PLD5: variants seen among roughly 807,000 people sequenced by gnomAD.
The protein encoded by PLD5 is phospholipase D family member 5.
In PLD5, 36 loss-of-function variants were observed where a neutral mutation model predicts 61.1. The ratio of observed to expected loss-of-function variants is 0.59; its 90% confidence interval spans 0.45 to 0.78. The LOEUF (loss-of-function observed/expected upper bound fraction) is 0.78, where lower values mean the gene tolerates loss of function less well. Ranked by LOEUF, PLD5 falls within the 30% of genes least tolerant of loss-of-function variation. The probability of loss-of-function intolerance (pLI) is 0.00; values close to 1 mark genes in which losing one functional copy is unlikely to be tolerated. For missense variants in PLD5, 515 were observed against 644.4 expected (o/e 0.80, Z 2.17); for synonymous variants, 243 against 242.8 (o/e 1.00, Z -0.01).
At chr1:242,131,852 T>TG (rs397983549) in intron 5 of PLD5, among the ~76,000 whole-genome samples, 3 of 149,118 alleles carry the variant, frequency 2.0e-5, no homozygotes, top group Non-Finnish European at 4.5e-5. Flanking sequence ...TTTTTTTTTT[T>TG]GAGATGGAGT....
At chr1:242,301,765 C>CATTATTATTATTATTATTATTATTATT (rs543604489) in intron 2 of PLD5, among the ~76,000 whole-genome samples, 11 of 141,034 alleles carry the variant, frequency 7.8e-5, no homozygotes, top group Admixed American at 5.7e-4. Context: ...TTTTTTAAAA[C>CATTATTATTATTATTATTATTATTATT]ATTATTATTA....
chr1:242,485,114 G>T (rs1356774851), intron 1 of PLD5, among the ~76,000 whole-genome samples: 1 of 152,088 alleles, frequency 6.6e-6, no homozygotes, highest in Non-Finnish European at 1.5e-5. Context: ...TACTGAATGG[G>T]CAAAAACTGG....
chr1:242,333,838 T>A (rs537267929), intron 2 of PLD5, among the ~76,000 whole-genome samples: 1 of 152,312 alleles, frequency 6.6e-6, no homozygotes, highest in South Asian at 2.1e-4. Context: ...ATTCTTTTTA[T>A]GGCTGAATAA....
chr1:242,319,706 A>T (rs1440261885), intron 2 of PLD5, among the ~76,000 whole-genome samples: 1 of 152,220 alleles, frequency 6.6e-6, no homozygotes, highest in African/African-American at 2.4e-5. Flanking sequence ...AAAGGACAGA[A>T]CTGAAAAGTC....
chr1:242,177,178 T>C (rs948703215), intron 5 of PLD5, among the ~76,000 whole-genome samples: 1 of 152,152 alleles, frequency 6.6e-6, no homozygotes, highest in Non-Finnish European at 1.5e-5. Flanking sequence ...CCATCAGTGA[T>C]TGATAGACTG....
chr1:242,098,268 C>G (rs928641873), intron 9 of PLD5, among the ~76,000 whole-genome samples: 3 of 152,104 alleles, frequency 2.0e-5, no homozygotes, highest in Non-Finnish European at 4.4e-5. Flanking sequence ...TCTTTTTATT[C>G]TTTTTTCTCT....
At chr1:242,470,662 C>G (rs903740300) in intron 1 of PLD5, among the ~76,000 whole-genome samples, 1 of 152,200 alleles carries the variant, frequency 6.6e-6, no homozygotes, top group African/African-American at 2.4e-5. Flanking sequence ...AATATCAATA[C>G]TCGTGGTGAT....
intron 1 of PLD5, among the ~76,000 whole-genome samples, chr1:242,523,658 C>A (rs1669351232): frequency 1.3e-5 from 2 of 152,194 alleles, no homozygotes; most frequent in African/African-American, 4.8e-5. Flanking sequence ...TTTACTCATT[C>A]GTTAATTTGC....
chr1:242,227,456 A>C (rs1264984893), intron 4 of PLD5, among the ~76,000 whole-genome samples: 1 of 152,042 alleles, frequency 6.6e-6, no homozygotes, highest in Non-Finnish European at 1.5e-5. Context: ...CCTCTGCCTC[A>C]TGAGTTCAAG....
At chr1:242,102,838 TGTTTA>T (rs1407504405) in intron 8 of PLD5, among the ~76,000 whole-genome samples, 4 of 152,296 alleles carry the variant, frequency 2.6e-5, no homozygotes, top group African/African-American at 9.6e-5. Flanking sequence ...GAACTACTAA[TGTTTA>T]GTTTATTAAA....
intron 6 of PLD5, 54 bp from the exon 7 acceptor site, chr1:242,114,080 A>G: frequency 6.3e-7 from 1 of 1,580,570 alleles, no homozygotes; most frequent in Non-Finnish European, 8.6e-7. Context: ...GCAGCTGGGG[A>G]TTTATTTATT....
intron 5 of PLD5, among the ~76,000 whole-genome samples, chr1:242,168,311 T>G (rs1363397083): frequency 6.6e-6 from 1 of 152,338 alleles, no homozygotes; most frequent in Admixed American, 6.5e-5. Flanking sequence ...GTCTGGTAAC[T>G]GTCAGCATAT....
chr1:242,478,400 A>C (rs1448151049), intron 1 of PLD5, among the ~76,000 whole-genome samples: 1 of 152,188 alleles, frequency 6.6e-6, no homozygotes, highest in Non-Finnish European at 1.5e-5. Flanking sequence ...CCAGAGGAGC[A>C]GGTAGAAAAG....
chr1:242,466,272 G>T (rs978356833), intron 1 of PLD5, among the ~76,000 whole-genome samples: 1 of 152,050 alleles, frequency 6.6e-6, no homozygotes, highest in Non-Finnish European at 1.5e-5. Context: ...ATGTATCCTA[G>T]GTGTGTAGCG....
chr1:242,161,448 T>C (rs187958617), intron 5 of PLD5, among the ~76,000 whole-genome samples: 4 of 137,356 alleles, frequency 2.9e-5, no homozygotes, highest in Admixed American at 2.3e-4. Context: ...TATATAGAAG[T>C]ATATGTACCT....
intron 2 of PLD5, among the ~76,000 whole-genome samples, chr1:242,318,899 G>A (rs1574723489): frequency 6.6e-6 from 1 of 152,154 alleles, no homozygotes; most frequent in African/African-American, 2.4e-5. Context: ...TTAGCACAGA[G>A]GTAGGAGAGG....
chr1:242,218,501 G>A (rs1286217726), intron 5 of PLD5, among the ~76,000 whole-genome samples: 1 of 152,180 alleles, frequency 6.6e-6, no homozygotes, highest in Non-Finnish European at 1.5e-5. Context: ...TAGTGAGTTT[G>A]CAGAGCTCAA....
At chr1:242,304,570 C>T (rs972005522) in intron 2 of PLD5, among the ~76,000 whole-genome samples, 11 of 152,118 alleles carry the variant, frequency 7.2e-5, no homozygotes, top group South Asian at 2.1e-4. Flanking sequence ...AAAAGTAGCA[C>T]GTAAGCCTAT....
At chr1:242,229,574 T>C (rs941786479) in intron 4 of PLD5, among the ~76,000 whole-genome samples, 9 of 152,238 alleles carry the variant, frequency 5.9e-5, no homozygotes, top group African/African-American at 2.2e-4. Flanking sequence ...GTGGCATATA[T>C]ATTCATTTAT....
Sources: allele counts gnomAD v4.1 joint callset (sites outside exome capture counted in the v4.1 genomes callset), GRCh38; gene constraint gnomAD v4.1.1; transcripts MANE v1.5; gene names NCBI Gene and HGNC (gene_info 2026-07-23, HGNC 2026-07-21).